Variants in ZNF827 observed in about 807,000 individuals in gnomAD.
ZNF827 encodes the protein zinc finger protein 827.
ZNF827 carries 13 observed loss-of-function variants against 102.4 expected under a neutral mutation model. That is an observed-to-expected ratio of 0.13 (90% CI 0.08 to 0.20). ZNF827 has a LOEUF of 0.20. ZNF827 is among the 10% of genes least tolerant of loss of function. ZNF827 has a pLI of 1.00. For missense variants in ZNF827, 1,103 were observed against 1,344.4 expected, an observed-to-expected ratio of 0.82 and a Z score of 2.81; for synonymous variants, 523 against 536.2, an observed-to-expected ratio of 0.98 and a Z score of 0.34.
intron 1 of ZNF827, among the ~76,000 whole-genome samples, chr4:145,924,493 G>C (rs1457433035): frequency 6.6e-6 from 1 of 152,190 alleles, no homozygotes; most frequent in Non-Finnish European, 1.5e-5. Flanking sequence ...AGGTAAGGGA[G>C]GGGTAAGAGG....
Position 145,774,537 on chromosome 4 carries a change from C to G in ZNF827, c.2829G>C (p.Glu943Asp). 6.2e-7 allele frequency: 1 copy of G among 1,611,960 alleles called. No individual in the cohort carries two copies. Among genetic ancestry groups the G allele is most frequent in the South Asian group, 1.1e-5 (1 of 90,334 alleles). The change falls in exon 11 of 15, where the codon GAG becomes GAC. Residue 943 changes from glutamate to aspartate, a missense_variant. Physicochemically the swap from Glu to Asp is conservative, Grantham distance 45 (BLOSUM62 2). Around this residue, in one of 5 missense-constraint regions of ZNF827, gnomAD observed 242 missense variants for 361.9 expected, o/e 0.67. Coordinates refer to ENST00000508784, the MANE Select transcript of ZNF827 (RefSeq NM_001306215.2). ...ACDFVTMEEA[E>D]IKTHIGTKHT... ...GCTTGGTGCCAATGTGAGTCTTTAT[C>G]TCTGCTTCCTCCATGGTGACGAAGT... is the stretch of plus-strand genomic sequence containing the variant.
intron 5 of ZNF827, among the ~76,000 whole-genome samples, chr4:145,865,862 A>G (rs942932387): frequency 1.3e-5 from 2 of 152,178 alleles, no homozygotes; most frequent in East Asian, 3.8e-4. Flanking sequence ...TTCTAAATAG[A>G]GAAGTTTCCA....
chr4:145,917,386 A>G (rs537246981), intron 1 of ZNF827, among the ~76,000 whole-genome samples: 6 of 152,212 alleles, frequency 3.9e-5, no homozygotes, highest in Non-Finnish European at 7.3e-5. Flanking sequence ...TTGCTGCATC[A>G]TAACATAGTT....
In ZNF827 at chr4:145,854,991, C is replaced by T. The variant is rs562221717; in HGVS notation, c.1982-5430G>A. Among the ~76,000 whole-genome samples the T allele has an allele frequency of 2.6e-5, 4 of 152,314 alleles. No homozygotes were observed. In the South Asian group the frequency reaches 6.2e-4, roughly 24 times the overall value. On this transcript the variant is annotated intron_variant, in intron 5 of 14. Coordinates refer to ENST00000508784, the MANE Select transcript of ZNF827 (RefSeq NM_001306215.2). ...CCTCAAGAGAGCACAGGGCATGGCGCGTTGAGCAAGCTTAATGCTATGTTT... is the reference window on the plus strand; with the variant it reads ...CCTCAAGAGAGCACAGGGCATGGCGTGTTGAGCAAGCTTAATGCTATGTTT...
intron 8 of ZNF827, among the ~76,000 whole-genome samples, chr4:145,819,105 GT>G (rs145693693): frequency 0.028 from 4,029 of 145,308 alleles, 145 homozygotes; most frequent in African/African-American, 0.086. Context: ...AACAACGTGA[GT>G]TTTTTTTTTT....
chr4:145,837,873 A>ACG (rs1560982261), intron 7 of ZNF827, among the ~76,000 whole-genome samples: 10 of 151,686 alleles, frequency 6.6e-5, no homozygotes, highest in African/African-American at 1.9e-4. Context: ...CACCCCTTAC[A>ACG]AGACCTCCCT....
rs1056574116 is a variant in ZNF827 at position 145,802,871 on chromosome 4, T to C, written c.2383+20551A>G. 3.3e-5 allele frequency among the ~76,000 whole-genome samples: 5 copies of C among 152,098 alleles called. No homozygotes were observed. In the East Asian group the frequency reaches 5.8e-4, roughly 18 times the overall value. On this transcript the variant is annotated intron_variant, in intron 8 of 14. Coordinates refer to ENST00000508784, the MANE Select transcript of ZNF827 (RefSeq NM_001306215.2). ...GGCAGGATCACTTGAGCCTTGGAGATTGAGGCTGCAGTGAGTCGAGATCAC... is the reference window on the plus strand; with the variant it reads ...GGCAGGATCACTTGAGCCTTGGAGACTGAGGCTGCAGTGAGTCGAGATCAC...
At chr4:145,768,326 G>T (rs1417617620) in intron 11 of ZNF827, among the ~76,000 whole-genome samples, 3 of 151,930 alleles carry the variant, frequency 2.0e-5, no homozygotes, top group Non-Finnish European at 4.4e-5. Flanking sequence ...CATCATGCCT[G>T]GCTAATTTTT....
intron 1 of ZNF827, among the ~76,000 whole-genome samples, chr4:145,906,356 T>A (rs1346620614): frequency 1.3e-5 from 2 of 152,246 alleles, no homozygotes; most frequent in Non-Finnish European, 2.9e-5. Flanking sequence ...TATCTTGAGA[T>A]AAATCATTAA....
chr4:145,890,162 A>T lies in ZNF827; in HGVS notation c.1266+2081T>A, dbSNP rs190242073. Among the ~76,000 whole-genome samples, 18 of 152,300 alleles carry T rather than the reference A, an allele frequency of 1.2e-4. No individual in the cohort carries two copies. In the East Asian group the frequency reaches 3.3e-3, roughly 28 times the overall value. ...TGAATGCTTTGATTAAAAAAAGAACAGCCAATAAGTGAGGTGGAAAGCAGG... is the reference window on the plus strand; with the variant it reads ...TGAATGCTTTGATTAAAAAAAGAACTGCCAATAAGTGAGGTGGAAAGCAGG... On this transcript the variant is annotated intron_variant, in intron 3 of 14. Transcript: ENST00000508784.
intron 7 of ZNF827, among the ~76,000 whole-genome samples, chr4:145,844,895 CAA>C (rs1745784779): frequency 6.6e-6 from 1 of 151,942 alleles, no homozygotes; most frequent in African/African-American, 2.4e-5. Context: ...AATAAGACAT[CAA>C]AAAGAAAAAT....
intron 8 of ZNF827, among the ~76,000 whole-genome samples, chr4:145,792,140 G>A (rs1453752319): frequency 6.6e-6 from 1 of 152,196 alleles, no homozygotes. Context: ...AATACCATGT[G>A]TTAAATGTTT....
intron 1 of ZNF827, among the ~76,000 whole-genome samples, chr4:145,936,810 T>C (rs1455346869): frequency 2.0e-5 from 3 of 152,138 alleles, no homozygotes; most frequent in Admixed American, 2.0e-4. Context: ...CACGTCGGCC[T>C]GACACCCGGG....
intron 8 of ZNF827, among the ~76,000 whole-genome samples, chr4:145,805,136 T>C (rs1024815644): frequency 1.3e-5 from 2 of 150,294 alleles, no homozygotes; most frequent in Non-Finnish European, 3.0e-5. Context: ...TGTGTGTGTG[T>C]GTGTGTGTGT....
intron 2 of ZNF827, among the ~76,000 whole-genome samples, chr4:145,895,786 A>T (rs1750931463): frequency 6.6e-6 from 1 of 152,152 alleles, no homozygotes; most frequent in Non-Finnish European, 1.5e-5. Context: ...CGTATGCCAA[A>T]CTATTTTCAG....
chr4:145,879,212 C>T lies in ZNF827; in HGVS notation c.1747+6466G>A, dbSNP rs112194770. ...GAATCCTTGCTCTGTCCTTTGCAGC[C>T]GAAACCTTTAAGTCTCGGCCTCCTT... On this transcript the variant is annotated intron_variant, in intron 4 of 14. Transcript: ENST00000508784. Among the ~76,000 whole-genome samples, 246 of 152,226 alleles carry T rather than the reference C, an allele frequency of 1.6e-3. 1 individual carries two copies. The highest frequency in any genetic ancestry group is 5.2e-3 in the African/African-American group (217 of 41,522).
intron 6 of ZNF827, among the ~76,000 whole-genome samples, chr4:145,848,803 C>T (rs1347685998): frequency 1.3e-5 from 2 of 152,100 alleles, no homozygotes; most frequent in African/African-American, 4.8e-5. Flanking sequence ...GTTGGTTTAC[C>T]GAAACTGTTC....
At chr4:145,798,873 A>C (rs1401180533) in intron 8 of ZNF827, among the ~76,000 whole-genome samples, 2 of 152,186 alleles carry the variant, frequency 1.3e-5, no homozygotes, top group African/African-American at 4.8e-5. Flanking sequence ...GAGTTTGTAA[A>C]TGTCTTTATT....
At chr4:145,786,877 C>T (rs1222736821) in intron 8 of ZNF827, among the ~76,000 whole-genome samples, 1 of 152,188 alleles carries the variant, frequency 6.6e-6, no homozygotes, top group Non-Finnish European at 1.5e-5. Context: ...TTTAGAATTT[C>T]CAGCTCAGAG....
Sources: allele counts gnomAD v4.1 joint callset (sites outside exome capture counted in the v4.1 genomes callset), GRCh38; gene constraint gnomAD v4.1.1; regional missense constraint gnomAD v4.1.1; transcripts MANE v1.5; gene names NCBI Gene and HGNC (gene_info 2026-07-23, HGNC 2026-07-21).